The following CPNE5 variants were observed in gnomAD, a reference collection of about 807,000 sequenced individuals.
CPNE5 encodes copine 5.
A neutral mutation model predicts 81.1 loss-of-function variants in CPNE5; 42 were observed. The observed-to-expected ratio is 0.52, with a 90% CI of 0.40 to 0.67. CPNE5 has a LOEUF of 0.67. CPNE5 is among the 30% of genes least tolerant of loss of function. The probability of loss-of-function intolerance (pLI) is 0.00; values close to 1 mark genes in which losing one functional copy is unlikely to be tolerated. For synonymous variants in CPNE5, 313 were observed against 321.5 expected (o/e 0.97, Z 0.28); for missense variants, 612 against 815.5 (o/e 0.75, Z 3.04).
At chr6:36,754,369 A>G (rs1765183900) in intron 13 of CPNE5, 1 of 152,182 alleles carries the variant, frequency 6.6e-6, no homozygotes, top group Non-Finnish European at 1.5e-5. Context: ...ACTTTCCCCT[A>G]TTCAAAGGGT....
intron 3 of CPNE5, among the ~76,000 whole-genome samples, chr6:36,806,139 A>T (rs1770571041): frequency 6.6e-6 from 1 of 152,104 alleles, no homozygotes; most frequent in Non-Finnish European, 1.5e-5. Flanking sequence ...CCCAGCCTGT[A>T]GGGGGCTCTT....
intron 14 of CPNE5, 58 bp downstream of exon 14, chr6:36,752,976 T>C: frequency 7.2e-7 from 1 of 1,389,992 alleles, no homozygotes; most frequent in Non-Finnish European, 1.0e-6. Context: ...GTCCTGTCGG[T>C]GTGTGGGGCC....
In CPNE5 at chr6:36,747,252, T is replaced by TCC. The variant is rs200869675; in HGVS notation, c.1019-677_1019-676dup. On this transcript the variant is annotated intron_variant, in intron 15 of 20. Transcript: ENST00000244751. Reference sequence around the variant, plus strand: ...TCCTATCCTTCTTCCTGGCTTGATTTCCCCCCCCAGAGCCCTCTTCGCTGC... The same window carrying TCC: ...TCCTATCCTTCTTCCTGGCTTGATTTCCCCCCCCCCAGAGCCCTCTTCGCTGC... 1.9e-3 allele frequency among the ~76,000 whole-genome samples: 243 copies of TCC among 127,782 alleles called. 1 individual carries two copies. Among genetic ancestry groups the TCC allele is most frequent in the African/African-American group, 5.2e-3 (190 of 36,686 alleles). 83.8% of individuals were successfully genotyped at this position (127,782 alleles called of 152,430 possible).
intron 3 of CPNE5, among the ~76,000 whole-genome samples, chr6:36,819,091 AT>A (rs895147229): frequency 2.0e-5 from 3 of 151,972 alleles, no homozygotes; most frequent in African/African-American, 7.2e-5. Context: ...TATTTCTCAC[AT>A]TTTTTTTGTT....
intron 3 of CPNE5, among the ~76,000 whole-genome samples, chr6:36,811,766 A>C (rs1771122799): frequency 6.6e-6 from 1 of 152,106 alleles, no homozygotes; most frequent in Non-Finnish European, 1.5e-5. Flanking sequence ...ACACATATTC[A>C]CGGTGGATCC....
At chr6:36,761,887 A>G (rs1161436468) in intron 12 of CPNE5, among the ~76,000 whole-genome samples, 1 of 152,146 alleles carries the variant, frequency 6.6e-6, no homozygotes, top group Non-Finnish European at 1.5e-5. Flanking sequence ...CGGGGACAAG[A>G]GTGGCTGGGA....
At position 36,742,418 on chromosome 6, in the gene CPNE5, TCGGGCCAGG is replaced by T; in HGVS notation, c.1623_1631del (p.Leu542_Arg544del). The T allele has an allele frequency of 6.2e-7, 1 of 1,613,670 alleles. No individual in the cohort carries two copies. Among genetic ancestry groups the T allele is most frequent in the Non-Finnish European group, 8.5e-7 (1 of 1,179,972 alleles). On this transcript the variant is annotated inframe_deletion, in exon 21 of 21. Transcript: ENST00000244751. ...GGTCAGGGATCTCTGCCAGCACGTC[TCGGGCCAGG>T]CGGGCCATGCTCAGCACGTGGTTGC...
At chr6:36,809,253 T>TGAGA (rs999886804) in intron 3 of CPNE5, among the ~76,000 whole-genome samples, 4 of 149,004 alleles carry the variant, frequency 2.7e-5, no homozygotes, top group African/African-American at 9.9e-5. Context: ...AGAGAGAGAT[T>TGAGA]GAGAGAGAGA....
At chr6:36,815,014 C>T (rs549449977) in intron 3 of CPNE5, among the ~76,000 whole-genome samples, 10 of 152,040 alleles carry the variant, frequency 6.6e-5, no homozygotes, top group South Asian at 4.2e-4. Flanking sequence ...GAAAATTAGT[C>T]GGGCGTGGTG....
chr6:36,803,358 T>C (rs867246214), intron 3 of CPNE5, among the ~76,000 whole-genome samples: 7 of 152,112 alleles, frequency 4.6e-5, no homozygotes, highest in Admixed American at 6.5e-5. Flanking sequence ...CCCATCATCC[T>C]CCTGCATCTC....
intron 6 of CPNE5, 81 bp downstream of exon 6, chr6:36,798,084 C>A (rs538768600): frequency 1.5e-4 from 164 of 1,080,430 alleles, no homozygotes; most frequent in Admixed American, 1.8e-4. Context: ...CAGCTGACTG[C>A]TTTGTCCCCA....
At chr6:36,756,116 T>G in intron 13 of CPNE5, 129 bp downstream of exon 13, 3 of 351,062 alleles carry the variant, frequency 8.5e-6, no homozygotes, top group Non-Finnish European at 1.6e-5. Context: ...CCACCCCATC[T>G]CTCTTGGATG....
chr6:36,773,163 C>T (rs1172600060), intron 10 of CPNE5, among the ~76,000 whole-genome samples: 2 of 152,152 alleles, frequency 1.3e-5, no homozygotes, highest in Non-Finnish European at 2.9e-5. Flanking sequence ...AGGCGTGAGC[C>T]ACCACGCCTG....
In CPNE5 at chr6:36,756,301, G is replaced by T; in HGVS notation, c.856-3C>A. On this transcript the variant is annotated splice_polypyrimidine_tract_variant and splice_region_variant and intron_variant, in intron 12 of 20. Transcript: ENST00000244751. The stretch of plus-strand genomic sequence containing the variant: ...ATTTTCTTTTTCGGGTTTACCACCT[G>T]CAGGAAAAACCAGTTACCAGGTAAG... The T allele has an allele frequency of 6.2e-7, 1 of 1,613,512 alleles. No individual in the cohort carries two copies. The highest frequency in any genetic ancestry group is 8.5e-7 in the Non-Finnish European group (1 of 1,179,720).
At chr6:36,792,909 A>G (rs1052048211) in intron 7 of CPNE5, among the ~76,000 whole-genome samples, 3 of 152,022 alleles carry the variant, frequency 2.0e-5, no homozygotes, top group Admixed American at 1.3e-4. Flanking sequence ...ACTGGGAGGG[A>G]GAGGAAAATG....
chr6:36,779,941 C>T (rs1289475599), intron 8 of CPNE5, among the ~76,000 whole-genome samples: 1 of 151,594 alleles, frequency 6.6e-6, no homozygotes, highest in East Asian at 1.9e-4. Flanking sequence ...TGGGGTCACT[C>T]CGCTCCCTCA....
chr6:36,780,554 C>T (rs1050664144), intron 8 of CPNE5, among the ~76,000 whole-genome samples: 3 of 152,212 alleles, frequency 2.0e-5, no homozygotes, highest in African/African-American at 7.2e-5. Flanking sequence ...ATCTCATAGG[C>T]TCGTGAGATA....
chr6:36,776,407 A>T (rs1477973343), intron 9 of CPNE5, among the ~76,000 whole-genome samples: 1 of 150,930 alleles, frequency 6.6e-6, no homozygotes, highest in Non-Finnish European at 1.5e-5. Flanking sequence ...CATGTGGGAG[A>T]CCTCCCCACA....
intron 1 of CPNE5, among the ~76,000 whole-genome samples, chr6:36,826,585 G>A (rs1772519775): frequency 6.6e-6 from 1 of 152,188 alleles, no homozygotes; most frequent in South Asian, 2.1e-4. Flanking sequence ...AATCATGGGT[G>A]TATCTGTCTC....
Sources: allele counts gnomAD v4.1 joint callset (sites outside exome capture counted in the v4.1 genomes callset), GRCh38; gene constraint gnomAD v4.1.1; transcripts MANE v1.5; gene names NCBI Gene and HGNC (gene_info 2026-07-23, HGNC 2026-07-21).